GPHN: variants seen among roughly 807,000 people sequenced by gnomAD.
GPHN encodes the protein gephyrin.
Under a neutral mutation model 95.5 loss-of-function variants are expected in GPHN, and 17 were observed. The observed-to-expected ratio is 0.18, with a 90% CI of 0.12 to 0.27. GPHN has a LOEUF of 0.27. Ranked by LOEUF, GPHN falls within the 10% of genes least tolerant of loss-of-function variation. The probability of loss-of-function intolerance (pLI) is 1.00; values close to 1 mark genes in which losing one functional copy is unlikely to be tolerated. For missense variants in GPHN, 660 were observed against 978.1 expected, an observed-to-expected ratio of 0.67 and a Z score of 4.34; for synonymous variants, 320 against 322.5, an observed-to-expected ratio of 0.99 and a Z score of 0.08.
At chr14:66,934,688 C>A (rs1045123777) in intron 8 of GPHN, among the ~76,000 whole-genome samples, 4 of 152,130 alleles carry the variant, frequency 2.6e-5, no homozygotes, top group Non-Finnish European at 2.9e-5. Flanking sequence ...GAATGGAATG[C>A]CTGCTATGAT....
At chr14:66,548,098 TCTC>T (rs746127469) in intron 1 of GPHN, among the ~76,000 whole-genome samples, 8 of 152,094 alleles carry the variant, frequency 5.3e-5, no homozygotes, top group Non-Finnish European at 7.3e-5. Context: ...TTTTTGTAAT[TCTC>T]CTAGTATTTC....
chr14:66,790,439 C>T (rs532740525), intron 3 of GPHN, among the ~76,000 whole-genome samples: 1 of 152,264 alleles, frequency 6.6e-6, no homozygotes, highest in East Asian at 1.9e-4. Flanking sequence ...ATTGCCCTTC[C>T]CAGAAAAAGC....
the GPHN span, chr14:67,380,752 CA>C: frequency 6.5e-7 from 1 of 1,526,992 alleles, no homozygotes; most frequent in South Asian, 1.3e-5. Flanking sequence ...CACAGGCTGT[CA>C]AAATTCGAGC....
At chr14:67,670,870 T>C in the GPHN span, among the ~76,000 whole-genome samples, 62,919 of 151,992 alleles carry the variant, frequency 0.41, 14,245 homozygotes, top group East Asian at 0.68. Context: ...CCTCAGAGCC[T>C]AGACAGTGGC....
Position 66,819,097 on chromosome 14 carries a change from T to C in GPHN, c.202-5377T>C, listed in dbSNP as rs2061091514. ...AAAGAAGCTCTTTAGTTTAATTAAA[T>C]CCCAGTTGTCAATTTTTGCTTTTGT... On this transcript the variant is annotated intron_variant, in intron 3 of 22. Transcript: ENST00000478722. Among the ~76,000 whole-genome samples the C allele has an allele frequency of 2.0e-5, 3 of 152,254 alleles. 1 individual carries two copies. The South Asian group carries it at 6.2e-4, about 31-fold the overall frequency.
At position 66,972,848 on chromosome 14, in the gene GPHN, A is replaced by G. The variant is rs1465933558; in HGVS notation, c.963+7523A>G. Among the ~76,000 whole-genome samples the G allele has an allele frequency of 3.3e-5, 5 of 152,298 alleles. No homozygotes were observed. The East Asian group carries it at 9.6e-4, about 29-fold the overall frequency. ...AAAGAAAAACAGAAGATGGCAGTGA[A>G]TAGAACAGTGATTGTTCATACTACT... On this transcript the variant is annotated intron_variant, in intron 9 of 22. Coordinates refer to ENST00000478722, the MANE Select transcript of GPHN (RefSeq NM_020806.5).
At chr14:67,621,012 C>A in the GPHN span, 2 of 1,563,982 alleles carry the variant, frequency 1.3e-6, no homozygotes, top group Admixed American at 1.7e-5. Context: ...TAGTAATAGA[C>A]CACTTCAGAG....
chr14:67,195,712 G>GTT, the GPHN span, among the ~76,000 whole-genome samples: 1 of 101,748 alleles, frequency 9.8e-6, no homozygotes, highest in South Asian at 3.6e-4. Context: ...TTTCTTTTTG[G>GTT]TTGTGTGTGT....
Position 66,685,048 on chromosome 14 carries a change from C to T in GPHN, c.143+3863C>T, listed in dbSNP as rs981489803. On this transcript the variant is annotated intron_variant, in intron 2 of 22. Coordinates refer to ENST00000478722, the MANE Select transcript of GPHN (RefSeq NM_020806.5). ...GTTTGCTGAGAATGATGGTTTCCAACTTCATTCATGTCCCTACAAAGGACG... is the reference window on the plus strand; with the variant it reads ...GTTTGCTGAGAATGATGGTTTCCAATTTCATTCATGTCCCTACAAAGGACG... Among the ~76,000 whole-genome samples the T allele has an allele frequency of 3.3e-5, 5 of 152,116 alleles. No homozygotes were observed. The East Asian group carries it at 7.7e-4, about 23-fold the overall frequency.
At chr14:67,331,136 C>G in the GPHN span, among the ~76,000 whole-genome samples, 1 of 152,132 alleles carries the variant, frequency 6.6e-6, no homozygotes, top group Non-Finnish European at 1.5e-5. Context: ...CCTCTGCTTC[C>G]TGGGTTTAAG....
intron 3 of GPHN, among the ~76,000 whole-genome samples, chr14:66,820,133 A>T (rs928098594): frequency 1.3e-5 from 2 of 152,172 alleles, no homozygotes; most frequent in African/African-American, 4.8e-5. Context: ...GCTATGAAAG[A>T]TAAGGATATT....
the GPHN span, chr14:67,574,547 C>A: frequency 1.6e-6 from 1 of 618,496 alleles, no homozygotes; most frequent in Non-Finnish European, 2.6e-6. This position sits in a 1 kb window ranked among gnomAD's most constrained non-coding sequence, Gnocchi z 4.2. Context: ...CTGGCCAGCC[C>A]TCAAACGTGG....
chr14:67,467,216 C>T, the GPHN span: 1 of 152,178 alleles, frequency 6.6e-6, no homozygotes, highest in Non-Finnish European at 1.5e-5. Flanking sequence ...AGGAACTAGC[C>T]TGGTCCTTGG....
At chr14:67,258,885 A>G in the GPHN span, among the ~76,000 whole-genome samples, 11 of 152,042 alleles carry the variant, frequency 7.2e-5, no homozygotes, top group Non-Finnish European at 1.5e-4. Context: ...TCTGTTTCCC[A>G]GGCTAGAGTG....
the GPHN span, among the ~76,000 whole-genome samples, chr14:67,623,535 T>A: frequency 4.7e-5 from 1 of 21,456 alleles, no homozygotes; most frequent in South Asian, 1.9e-3. Flanking sequence ...TCAGGTAACC[T>A]TTTTTTTTTT....
chr14:66,767,968 A>G (rs10136226), intron 2 of GPHN, among the ~76,000 whole-genome samples: 46,098 of 151,844 alleles, frequency 0.3, 11,467 homozygotes, highest in African/African-American at 0.66. Context: ...AATTGCCAAC[A>G]AAAGTTCAAA....
At chr14:66,595,118 G>C (rs2061917802) in intron 1 of GPHN, among the ~76,000 whole-genome samples, 1 of 152,158 alleles carries the variant, frequency 6.6e-6, no homozygotes. Context: ...ATAGCTGTTA[G>C]AGTGGCTACT....
intron 2 of GPHN, among the ~76,000 whole-genome samples, chr14:66,700,159 A>C (rs2068424375): frequency 6.6e-6 from 1 of 152,214 alleles, no homozygotes; most frequent in Non-Finnish European, 1.5e-5. Flanking sequence ...ATTTCTGTAG[A>C]GGATATTCAA....
chr14:67,563,304 A>G, the GPHN span, among the ~76,000 whole-genome samples: 3 of 152,230 alleles, frequency 2.0e-5, no homozygotes, highest in Admixed American at 6.5e-5. Context: ...TTCCCTGTCT[A>G]TAAAATGGGG....
Sources: gnomAD v4.1 joint callset for allele counts (sites outside exome capture counted in the v4.1 genomes callset) on GRCh38, gnomAD v4.1.1 for gene constraint, Gnocchi (gnomAD v3.1) non-coding constraint, MANE v1.5 for transcripts, NCBI Gene and HGNC (gene_info 2026-07-23, HGNC 2026-07-21) for gene names.